Variants in RAI1 observed in about 807,000 individuals in gnomAD.
RAI1 encodes retinoic acid induced 1, also known as retinoic acid-induced protein 1.
A neutral mutation model predicts 123.8 loss-of-function variants in RAI1; 9 were observed. The ratio of observed to expected loss-of-function variants is 0.07; its 90% CI spans 0.04 to 0.13. RAI1 has a LOEUF of 0.13. Ranked by LOEUF, RAI1 falls within the 10% of genes least tolerant of loss-of-function variation. RAI1 has a pLI of 1.00. For missense variants in RAI1, 2,256 were observed against 2,545.8 expected (o/e 0.89, Z 2.45); for synonymous variants, 1,231 against 1,127.3 (o/e 1.09, Z -1.84).
chr17:17,807,881 G>A (rs965775280), intron 4 of RAI1, among the ~76,000 whole-genome samples: 1 of 152,244 alleles, frequency 6.6e-6, no homozygotes, highest in Admixed American at 6.5e-5. Flanking sequence ...TGCTGGCCCT[G>A]AATGGCAGTT....
intron 2 of RAI1, among the ~76,000 whole-genome samples, chr17:17,756,673 G>A (rs1314970387): frequency 2.0e-5 from 3 of 152,090 alleles, no homozygotes; most frequent in South Asian, 2.1e-4. Flanking sequence ...CGCCTACTAC[G>A]TGCTAATCTG....
chr17:17,797,730 C>T lies in RAI1; in HGVS notation c.4782C>T (p.Ala1594=). The T allele has an allele frequency of 6.2e-7, 1 of 1,613,892 alleles. No individual in the cohort carries two copies. Among genetic ancestry groups the T allele is most frequent in the Non-Finnish European group, 8.5e-7 (1 of 1,179,894 alleles). Residue 1594 remains alanine, a synonymous_variant, in exon 3 of 6, where the codon GCC becomes GCT. Coordinates refer to ENST00000353383, the MANE Select transcript of RAI1 (RefSeq NM_030665.4). Reference sequence around the variant, plus strand: ...TGAGGTCAGACAGCCGGACCCCCGCCTTCTCACCCTTCGTGCGGGTGGAGA... The same window carrying T: ...TGAGGTCAGACAGCCGGACCCCCGCTTTCTCACCCTTCGTGCGGGTGGAGA... ...KRLRSDSRTP[A]FSPFVRVEKR...
At chr17:17,716,198 T>C (rs1040653258) in intron 1 of RAI1, among the ~76,000 whole-genome samples, 11 of 152,122 alleles carry the variant, frequency 7.2e-5, no homozygotes, top group African/African-American at 2.7e-4. Context: ...CAGAAGCCCA[T>C]GGAGCTCTGA....
Position 17,797,351 on chromosome 17 carries a change from A to T in RAI1, c.4403A>T (p.Tyr1468Phe). ...AAAGGCCCGCTGGAGAAGCGGCCCTATCTTGGCCCGGCTCTGCTCCTGACT... is the reference window on the plus strand; with the variant it reads ...AAAGGCCCGCTGGAGAAGCGGCCCTTTCTTGGCCCGGCTCTGCTCCTGACT... ...LSKGPLEKRP[Y>F]LGPALLLTPR... Residue 1468 changes from tyrosine to phenylalanine, a missense_variant, in exon 3 of 6, where the codon TAT becomes TTT. Transcript: ENST00000353383. The T allele has an allele frequency of 6.2e-7, 1 of 1,612,366 alleles. No individual in the cohort carries two copies. Among genetic ancestry groups the T allele is most frequent in the Non-Finnish European group, 8.5e-7 (1 of 1,179,696 alleles).
intron 2 of RAI1, among the ~76,000 whole-genome samples, chr17:17,756,197 AT>A (rs765341751): frequency 3.3e-3 from 474 of 142,980 alleles, no homozygotes; most frequent in Middle Eastern, 3.6e-3. Flanking sequence ...GAGTGAATGA[AT>A]TTTTTTTTTT....
At chr17:17,684,497 A>G (rs1461218803) in intron 1 of RAI1, 1 of 152,000 alleles carries the variant, frequency 6.6e-6, no homozygotes, top group Non-Finnish European at 1.5e-5. Context: ...TGCAACCCTA[A>G]TAATTCCTCT....
intron 2 of RAI1, among the ~76,000 whole-genome samples, chr17:17,733,329 G>A (rs1360341574): frequency 2.6e-5 from 4 of 152,246 alleles, no homozygotes; most frequent in Non-Finnish European, 4.4e-5. Flanking sequence ...CACCAGATGC[G>A]GGGCACTGCG....
intron 1 of RAI1, among the ~76,000 whole-genome samples, chr17:17,696,152 A>C (rs73292253): frequency 6.6e-6 from 1 of 152,352 alleles, no homozygotes; most frequent in African/African-American, 2.4e-5. Context: ...TAAAAACTTT[A>C]TAATTCCACC....
chr17:17,751,187 G>C (rs1355208004), intron 2 of RAI1, among the ~76,000 whole-genome samples: 1 of 152,230 alleles, frequency 6.6e-6, no homozygotes. Context: ...GTATGGAAGA[G>C]TAGCTCCAGG....
chr17:17,784,217 C>G (rs948741697), intron 2 of RAI1, among the ~76,000 whole-genome samples: 2 of 152,162 alleles, frequency 1.3e-5, no homozygotes, highest in African/African-American at 2.4e-5. Flanking sequence ...CCCGCTCCCC[C>G]AGGTGGAACG....
chr17:17,682,166 T>TGCATTCGCGGGGC (rs1478708282), intron 1 of RAI1, among the ~76,000 whole-genome samples: 2 of 125,000 alleles, frequency 1.6e-5, no homozygotes, highest in Non-Finnish European at 3.4e-5. Flanking sequence ...GGACGTGGGG[T>TGCATTCGCGGGGC]GCATTCGCGG....
chr17:17,783,755 C>G (rs970611166), intron 2 of RAI1, among the ~76,000 whole-genome samples: 1 of 151,720 alleles, frequency 6.6e-6, no homozygotes, highest in Non-Finnish European at 1.5e-5. Flanking sequence ...CCCTCCACCT[C>G]GATGGGGTGC....
chr17:17,781,904 G>A (rs2031594829), intron 2 of RAI1, among the ~76,000 whole-genome samples: 1 of 152,188 alleles, frequency 6.6e-6, no homozygotes, highest in African/African-American at 2.4e-5. Flanking sequence ...AAGAAGGGTG[G>A]GCGTTGAGGA....
rs971683016 is a variant in RAI1 at position 17,811,267 on chromosome 17, T to A, written c.*1286T>A. On this transcript the variant is annotated 3_prime_UTR_variant, in exon 6 of 6. Coordinates refer to ENST00000353383, the MANE Select transcript of RAI1 (RefSeq NM_030665.4). ...TATGTATACATATACATATATATAATATATATGAAGACTGTAAATGTTAAG... is the reference window on the plus strand; with the variant it reads ...TATGTATACATATACATATATATAAAATATATGAAGACTGTAAATGTTAAG... 6 of 323,484 alleles carry A rather than the reference T, an allele frequency of 1.9e-5. No individual in the cohort carries two copies. The highest frequency in any genetic ancestry group is 1.3e-4 in the African/African-American group (6 of 44,714). The allele number at this position is 323,484 out of a possible 1,614,324, so 20.0% of individuals were successfully genotyped here. A position where few individuals can be genotyped will look rare whatever the true frequency, so the allele number is the denominator to read the frequency against.
chr17:17,798,349 A>G lies in RAI1; in HGVS notation c.5401A>G (p.Lys1801Glu). Residue 1801 changes from lysine to glutamate, a missense_variant, in exon 3 of 6, where the codon AAG becomes GAG. Transcript: ENST00000353383. ...DGGEEAAPAD[K>E]GRKHECSKEA... Reference sequence around the variant, plus strand: ...GGGCGAGGAGGCAGCCCCAGCCGACAAGGGTCGCAAACATGAGTGCAGCAA... The same window carrying G: ...GGGCGAGGAGGCAGCCCCAGCCGACGAGGGTCGCAAACATGAGTGCAGCAA... 2 of 1,605,108 alleles carry G rather than the reference A, an allele frequency of 1.2e-6. No homozygotes were observed. The highest frequency in any genetic ancestry group is 1.7e-6 in the Non-Finnish European group (2 of 1,175,754).
intron 2 of RAI1, among the ~76,000 whole-genome samples, chr17:17,755,553 CTTTG>C (rs1340619494): frequency 6.6e-6 from 1 of 152,136 alleles, no homozygotes; most frequent in African/African-American, 2.4e-5. Context: ...GGAGAGAGCT[CTTTG>C]TTTGGGGGCA....
At chr17:17,756,893 G>C (rs1192828436) in intron 2 of RAI1, among the ~76,000 whole-genome samples, 2 of 152,224 alleles carry the variant, frequency 1.3e-5, no homozygotes, top group Non-Finnish European at 1.5e-5. Flanking sequence ...TGCTTGCCCG[G>C]TGGGAACGGT....
intron 2 of RAI1, among the ~76,000 whole-genome samples, chr17:17,750,896 G>A (rs1275700778): frequency 2.0e-5 from 3 of 152,174 alleles, no homozygotes; most frequent in African/African-American, 7.2e-5. Context: ...CCAAGGGTGG[G>A]GAGGTGGTTG....
intron 1 of RAI1, among the ~76,000 whole-genome samples, chr17:17,691,606 G>A (rs1334948313): frequency 6.6e-6 from 1 of 152,222 alleles, no homozygotes; most frequent in African/African-American, 2.4e-5. Flanking sequence ...GGAGTGTGTT[G>A]TGGGTGGGGA....
Sources: gnomAD v4.1 joint callset for allele counts (sites outside exome capture counted in the v4.1 genomes callset) on GRCh38, gnomAD v4.1.1 for gene constraint, MANE v1.5 for transcripts, NCBI Gene and HGNC (gene_info 2026-07-23, HGNC 2026-07-21) for gene names.